The following HEPHL1 variants were observed in gnomAD, a reference collection of about 807,000 sequenced individuals.
The protein encoded by HEPHL1 is ferroxidase HEPHL1.
In HEPHL1, 123 loss-of-function variants were observed where a neutral mutation model predicts 122.0. That is an observed-to-expected ratio of 1.01 (90% CI 0.87 to 1.17). The LOEUF (loss-of-function observed/expected upper bound fraction) is 1.17. Among genes scored for constraint, HEPHL1 ranks in the 50% most tolerant of loss-of-function variants. The pLI is 0.00. For synonymous variants in HEPHL1, 527 were observed against 508.9 expected (o/e 1.04, Z -0.48); for missense variants, 1,452 against 1,430.5 (o/e 1.01, Z -0.24).
At chr11:94,058,047 C>T (rs1226470788) in intron 2 of HEPHL1, among the ~76,000 whole-genome samples, 1 of 151,898 alleles carries the variant, frequency 6.6e-6, no homozygotes, top group Non-Finnish European at 1.5e-5. Flanking sequence ...ATTTTTAAGC[C>T]TGGCTTCTGA....
At chr11:94,092,650 A>G (rs570873467) in intron 12 of HEPHL1, among the ~76,000 whole-genome samples, 37 of 152,244 alleles carry the variant, frequency 2.4e-4, no homozygotes, top group African/African-American at 8.4e-4. Context: ...GATGTGCCTT[A>G]TACATGTGAG....
intron 1 of HEPHL1, among the ~76,000 whole-genome samples, chr11:94,028,068 C>T (rs1007670947): frequency 6.6e-6 from 1 of 152,086 alleles, no homozygotes; most frequent in Non-Finnish European, 1.5e-5. Context: ...TGGATCTGAC[C>T]ACACTCTCTG....
chr11:94,034,337 C>T (rs1036247026), intron 1 of HEPHL1, among the ~76,000 whole-genome samples: 4 of 152,192 alleles, frequency 2.6e-5, no homozygotes. Context: ...CCTGAAAAGT[C>T]TGCAGGGTGG....
chr11:94,073,642 G>T (rs1032261264), intron 8 of HEPHL1, among the ~76,000 whole-genome samples: 1 of 152,120 alleles, frequency 6.6e-6, no homozygotes, highest in Non-Finnish European at 1.5e-5. Context: ...GGGATGGAGA[G>T]AATTTAGGAC....
intron 2 of HEPHL1, among the ~76,000 whole-genome samples, chr11:94,060,092 TTATATATATATATATATATA>T (rs1164147552): frequency 1.2e-3 from 3 of 2,608 alleles, no homozygotes; most frequent in Admixed American, 7.1e-3. Flanking sequence ...TCATATTTTA[TTATATATATATATATATATA>T]TATATATATA....
rs761488880 is a variant in HEPHL1 at position 94,063,764 on chromosome 11, A to G, written c.628+44A>G. On this transcript the variant is annotated intron_variant, in intron 3 of 19. Transcript: ENST00000315765. ...AGGTAACTAGGGAGTTGAAATGTGA[A>G]TAAGATTCAGGTCTTATTTTGCCTA... The G allele has an allele frequency of 2.0e-5, 30 of 1,533,772 alleles. No individual in the cohort carries two copies. The Admixed American group carries it at 2.0e-4, about 10-fold the overall frequency.
intron 1 of HEPHL1, among the ~76,000 whole-genome samples, chr11:94,036,579 A>T (rs545430691): frequency 2.6e-4 from 40 of 152,032 alleles, no homozygotes; most frequent in African/African-American, 9.4e-4. Flanking sequence ...TTACCCTGAC[A>T]CTCACTGTGG....
At chr11:94,104,883 C>T (rs1011287738) in intron 16 of HEPHL1, 133 bp downstream of exon 16, 9 of 700,916 alleles carry the variant, frequency 1.3e-5, no homozygotes, top group Middle Eastern at 8.0e-4. Flanking sequence ...AGAAAGTCCT[C>T]TAATGCTTTC....
Position 94,111,857 on chromosome 11 carries a change from A to T in HEPHL1, c.3443A>T (p.Gln1148Leu), listed in dbSNP as rs1210345783. The change falls in exon 20 of 20, where the codon CAA (glutamine) becomes CTA (leucine). Residue 1148 changes from glutamine to leucine, a missense_variant. Transcript: ENST00000315765. ...GCAATGAAGCAGACAGATTACCAGC[A>T]AGTCCAGTCCTGTGCTCTCCCCACG... is the stretch of plus-strand genomic sequence containing the variant. ...CSAMKQTDYQQVQSCALPTDA... is the reference protein window; with the variant it reads ...CSAMKQTDYQLVQSCALPTDA... 5.9e-6 allele frequency: 9 copies of T among 1,531,608 alleles called. No homozygotes were observed. Among genetic ancestry groups the T allele is most frequent in the Non-Finnish European group, 7.9e-6 (9 of 1,141,688 alleles). The allele number at this position is 1,531,608 out of a possible 1,614,324, so 94.9% of individuals were successfully genotyped here. A position where few individuals can be genotyped will look rare whatever the true frequency, so the allele number is the denominator to read the frequency against.
At chr11:94,096,461 G>A (rs1186969529) in intron 13 of HEPHL1, among the ~76,000 whole-genome samples, 2 of 152,178 alleles carry the variant, frequency 1.3e-5, no homozygotes, top group Non-Finnish European at 2.9e-5. Flanking sequence ...TGTTCATTAG[G>A]GATATTGGTC....
At chr11:94,063,486 T>G in intron 2 of HEPHL1, 22 bp from the exon 3 acceptor site, 2 of 1,538,294 alleles carry the variant, frequency 1.3e-6, no homozygotes, top group Non-Finnish European at 1.8e-6. Flanking sequence ...TTACCTTTTT[T>G]TTTAATTTTA....
rs1056347628 is a variant in HEPHL1, at chr11:94,082,425, T to C, written c.1724T>C (p.Ile575Thr). The C allele has an allele frequency of 3.1e-6, 5 of 1,607,502 alleles. No homozygotes were observed. In the Admixed American group the frequency reaches 6.7e-5, roughly 22 times the overall value. The change falls in exon 10 of 20, where the codon ATA becomes ACA. Residue 575 changes from isoleucine (I) to threonine (T), a missense_variant. Coordinates refer to ENST00000315765, the MANE Select transcript of HEPHL1 (RefSeq NM_001098672.2). ...TTTCTTTCTTCTCTGTAGAAAGGAA[T>C]AGACAAGGAGTTTTACCTACTGTTC... ...VLNADGTQKG[I>T]DKEFYLLFTV...
chr11:94,066,123 G>A (rs11020645), intron 4 of HEPHL1, among the ~76,000 whole-genome samples: 86,657 of 152,126 alleles, frequency 0.57, 24,872 homozygotes, highest in South Asian at 0.68. Flanking sequence ...GCATTAGCCC[G>A]GGAGTTTGAG....
rs771615507 is a variant in HEPHL1, at chr11:94,104,524, C to T, written c.2683-4C>T. On this transcript the variant is annotated splice_region_variant and splice_polypyrimidine_tract_variant and intron_variant, in intron 15 of 19. Coordinates refer to ENST00000315765, the MANE Select transcript of HEPHL1 (RefSeq NM_001098672.2). The stretch of plus-strand genomic sequence containing the variant: ...CTTTTAACTCAGTTTATTTTTTCTT[C>T]CAGGATACGTATAGTGGTTTGATGG... 1 of 1,591,874 alleles carries T rather than the reference C, an allele frequency of 6.3e-7. No homozygotes were observed. Among genetic ancestry groups the T allele is most frequent in the South Asian group, 1.1e-5 (1 of 88,640 alleles).
At chr11:94,097,587 T>C (rs1946328533) in intron 13 of HEPHL1, among the ~76,000 whole-genome samples, 1 of 152,172 alleles carries the variant, frequency 6.6e-6, no homozygotes, top group Non-Finnish European at 1.5e-5. Context: ...ACTTTCTGTC[T>C]CATTGATCTG....
chr11:94,064,040 A>G (rs935110873), intron 3 of HEPHL1, among the ~76,000 whole-genome samples: 4 of 152,188 alleles, frequency 2.6e-5, no homozygotes, highest in African/African-American at 9.7e-5. Context: ...ATCATTTGCT[A>G]TTTTATCCCT....
intron 11 of HEPHL1, among the ~76,000 whole-genome samples, chr11:94,087,857 T>G (rs1946230812): frequency 6.6e-6 from 1 of 152,214 alleles, no homozygotes; most frequent in Non-Finnish European, 1.5e-5. Context: ...AACTAGGCGA[T>G]GTTTAGACAA....
Position 94,033,770 on chromosome 11 carries a change from T to C in HEPHL1, c.171-11903T>C, listed in dbSNP as rs143798524. 8.9e-4 allele frequency among the ~76,000 whole-genome samples: 135 copies of C among 152,320 alleles called. No homozygotes were observed. In the East Asian group the frequency reaches 0.018, roughly 20 times the overall value. On this transcript the variant is annotated intron_variant, in intron 1 of 19. Transcript: ENST00000315765. ...AGTGCCAAAGCCATTAAACACCAAC[T>C]CTTCCAGGCGAGTTGCTGGGGCTTA...
At chr11:94,050,618 T>C (rs541660144) in intron 2 of HEPHL1, among the ~76,000 whole-genome samples, 5 of 152,264 alleles carry the variant, frequency 3.3e-5, no homozygotes, top group Admixed American at 1.3e-4. Context: ...AACATCATAG[T>C]ACATGGAGTA....
Sources: allele counts gnomAD v4.1 joint callset (sites outside exome capture counted in the v4.1 genomes callset), GRCh38; gene constraint gnomAD v4.1.1; transcripts MANE v1.5; gene names NCBI Gene and HGNC (gene_info 2026-07-23, HGNC 2026-07-21).